The following OPHN1 variants were observed in gnomAD, a reference collection of about 807,000 sequenced individuals.
OPHN1 encodes oligophrenin 1.
Under a neutral mutation model 60.7 loss-of-function variants are expected in OPHN1, and 11 were observed. The ratio of observed to expected loss-of-function variants is 0.18; its 90% CI spans 0.11 to 0.30. OPHN1 has a LOEUF of 0.30. OPHN1 is among the 10% of genes least tolerant of loss of function. The pLI is 1.00. For synonymous variants in OPHN1, 226 were observed against 222.6 expected, an observed-to-expected ratio of 1.02 and a Z score of -0.14; for missense variants, 449 against 611.0, an observed-to-expected ratio of 0.73 and a Z score of 2.80.
At chrX:68,085,442 T>C (rs190859712) in intron 19 of OPHN1, among the ~76,000 whole-genome samples, 4 of 112,285 alleles carry the variant, frequency 3.6e-5, no homozygotes, top group African/African-American at 1.3e-4. Context: ...CCACCTGATG[T>C]ATTGTTTATC....
At chrX:68,209,638 T>C (rs1420322306) in intron 9 of OPHN1, among the ~76,000 whole-genome samples, 1 of 112,004 alleles carries the variant, frequency 8.9e-6, no homozygotes, top group African/African-American at 3.2e-5. Context: ...AGTAGGATCA[T>C]GGGCTTTGGC....
At chrX:68,148,348 C>T (rs1013510933) in intron 15 of OPHN1, among the ~76,000 whole-genome samples, 10 of 111,077 alleles carry the variant, frequency 9.0e-5, no homozygotes, top group African/African-American at 2.3e-4. Flanking sequence ...GTACAGAATG[C>T]TCTTTATGAA....
rs187721103 is a variant in OPHN1 at position 68,385,068 on chromosome X, A to T, written c.154+47799T>A. On this transcript the variant is annotated intron_variant, in intron 2 of 24. Coordinates refer to ENST00000355520, the MANE Select transcript of OPHN1 (RefSeq NM_002547.3). ...CAAAAACTATTGAAATAATTTTTTT[A>T]AAAAAAATCAGTATAAATGTATTTA... is the stretch of plus-strand genomic sequence containing the variant. 1.9e-3 allele frequency among the ~76,000 whole-genome samples: 212 copies of T among 111,258 alleles called. No individual in the cohort carries two copies. In the South Asian group the frequency reaches 0.021, roughly 11 times the overall value.
At chrX:68,194,063 G>T in intron 13 of OPHN1, 111 bp from the exon 14 acceptor site, 1 of 649,070 alleles carries the variant, frequency 1.5e-6, no homozygotes, top group Non-Finnish European at 2.5e-6. Flanking sequence ...GTTTTTAGTT[G>T]CTCATTTCTA....
chrX:68,108,909 G>A (rs1179817269), intron 18 of OPHN1, among the ~76,000 whole-genome samples: 1 of 111,247 alleles, frequency 9.0e-6, no homozygotes, highest in African/African-American at 3.3e-5. Context: ...ATACTTAGAG[G>A]AATCTAGCTC....
chrX:68,333,596 T>C (rs1217239299), intron 2 of OPHN1, among the ~76,000 whole-genome samples: 1 of 110,492 alleles, frequency 9.1e-6, no homozygotes, highest in African/African-American at 3.3e-5. Context: ...AATCGCACTA[T>C]TGCACTCCAG....
intron 15 of OPHN1, 148 bp downstream of exon 15, chrX:68,192,771 G>A (rs2077494834): frequency 6.1e-6 from 3 of 491,553 alleles, no homozygotes; most frequent in African/African-American, 2.4e-5. Context: ...TCTGCCCAGG[G>A]TGGGCAAGTA....
At chrX:68,363,944 G>T (rs2078486120) in intron 2 of OPHN1, among the ~76,000 whole-genome samples, 1 of 111,236 alleles carries the variant, frequency 9.0e-6, no homozygotes, top group South Asian at 3.8e-4. Context: ...TTTTGTGTAT[G>T]TTTGAAATTT....
chrX:68,174,752 A>G (rs1224339098), intron 15 of OPHN1, among the ~76,000 whole-genome samples: 1 of 110,277 alleles, frequency 9.1e-6, no homozygotes, highest in Non-Finnish European at 1.9e-5. Flanking sequence ...GATTACAGGT[A>G]TGAATCGCTC....
At position 68,433,365 on chromosome X, in the gene OPHN1, G is replaced by C. The variant is rs1339688675; in HGVS notation, c.-202C>G. The C allele has an allele frequency of 9.9e-6, 3 of 302,503 alleles. No individual in the cohort carries two copies. The highest frequency in any genetic ancestry group is 1.1e-4 in the South Asian group (1 of 8,729). The allele number at this position is 302,503 out of a possible 1,213,427, so 24.9% of individuals were successfully genotyped here. A position where few individuals can be genotyped will look rare whatever the true frequency, so the allele number is the denominator to read the frequency against. On this transcript the variant is annotated 5_prime_UTR_variant, in exon 1 of 25. Coordinates refer to ENST00000355520, the MANE Select transcript of OPHN1 (RefSeq NM_002547.3). ...CGCAGCCCGACTTGCCTCCGGAGACGGGCCGGATCCTTCCTGAGCAATTGC... is the reference window on the plus strand; with the variant it reads ...CGCAGCCCGACTTGCCTCCGGAGACCGGCCGGATCCTTCCTGAGCAATTGC...
At chrX:68,109,836 T>G (rs2077096790) in intron 18 of OPHN1, among the ~76,000 whole-genome samples, 1 of 111,271 alleles carries the variant, frequency 9.0e-6, no homozygotes, top group Admixed American at 9.6e-5. Context: ...TTTCTTAAAT[T>G]ACTGCATAAT....
chrX:68,125,079 T>C (rs1288183479), intron 15 of OPHN1, among the ~76,000 whole-genome samples: 2 of 111,891 alleles, frequency 1.8e-5, no homozygotes, highest in Admixed American at 1.9e-4. Flanking sequence ...TGGAAATTAA[T>C]ATCCTCCTGA....
At chrX:68,122,354 T>C (rs1218413762) in intron 15 of OPHN1, among the ~76,000 whole-genome samples, 1 of 110,928 alleles carries the variant, frequency 9.0e-6, no homozygotes, top group African/African-American at 3.3e-5. Context: ...TTCAAATATC[T>C]GGAAAGTCTT....
intron 15 of OPHN1, among the ~76,000 whole-genome samples, chrX:68,161,185 A>C (rs996237670): frequency 9.0e-6 from 1 of 111,053 alleles, no homozygotes; most frequent in Non-Finnish European, 1.9e-5. Context: ...AAATAGACTC[A>C]AAAAGATATA....
Position 68,048,467 on chromosome X carries a change from A to G in OPHN1, c.2376-10T>C, listed in dbSNP as rs1274846266. Reference sequence around the variant, plus strand: ...AAGTCTGCCTTGAGAACTGTGGATAAAGAAAGACGTTTCACTAAGATTCTA... The same window carrying G: ...AAGTCTGCCTTGAGAACTGTGGATAGAGAAAGACGTTTCACTAAGATTCTA... On this transcript the variant is annotated splice_polypyrimidine_tract_variant and intron_variant, in intron 23 of 24. Transcript: ENST00000355520. 5 of 1,205,342 alleles carry G rather than the reference A, an allele frequency of 4.1e-6. No individual in the cohort carries two copies. The highest frequency in any genetic ancestry group is 5.6e-6 in the Non-Finnish European group (5 of 891,172).
intron 2 of OPHN1, among the ~76,000 whole-genome samples, chrX:68,359,174 AC>A (rs1455513276): frequency 8.9e-6 from 1 of 111,733 alleles, no homozygotes; most frequent in African/African-American, 3.3e-5. Flanking sequence ...TATTTTTCAT[AC>A]CTCTCAATAT....
intron 15 of OPHN1, among the ~76,000 whole-genome samples, chrX:68,136,893 C>T (rs1375623382): frequency 3.6e-5 from 4 of 111,219 alleles, no homozygotes; most frequent in African/African-American, 1.3e-4. Context: ...AATATTTTTG[C>T]TGTACATAAA....
intron 19 of OPHN1, among the ~76,000 whole-genome samples, chrX:68,089,801 C>T (rs2077009538): frequency 9.0e-6 from 1 of 111,682 alleles, no homozygotes; most frequent in South Asian, 3.8e-4. Flanking sequence ...GGCCTGACTT[C>T]ACTTCAAAGC....
rs189007795 is a variant in OPHN1, at chrX:68,182,368, G to A, written c.1276+10551C>T. Among the ~76,000 whole-genome samples, 5 of 107,623 alleles carry A rather than the reference G, an allele frequency of 4.6e-5. No homozygotes were observed. In the East Asian group the frequency reaches 1.2e-3, roughly 25 times the overall value. The allele number at this position is 107,623 out of a possible 115,157, so 93.5% of individuals were successfully genotyped here. A position where few individuals can be genotyped will look rare whatever the true frequency, so the allele number is the denominator to read the frequency against. On this transcript the variant is annotated intron_variant, in intron 15 of 24. Transcript: ENST00000355520. Reference sequence around the variant, plus strand: ...AGGACAGGAAGACTCTGAAGAGTAAGAGGATAATGAGAGAGAGACAGAGAG... The same window carrying A: ...AGGACAGGAAGACTCTGAAGAGTAAAAGGATAATGAGAGAGAGACAGAGAG...
Sources: allele counts gnomAD v4.1 joint callset (sites outside exome capture counted in the v4.1 genomes callset), GRCh38; gene constraint gnomAD v4.1.1; transcripts MANE v1.5; gene names NCBI Gene and HGNC (gene_info 2026-07-23, HGNC 2026-07-21).